Variants in SHANK2 observed in about 807,000 individuals in gnomAD.
SHANK2 encodes SH3 and multiple ankyrin repeat domains 2, also known as SH3 and multiple ankyrin repeat domains protein 2.
Under a neutral mutation model 133.7 loss-of-function variants are expected in SHANK2, and 43 were observed. The ratio of observed to expected loss-of-function variants is 0.32; its 90% confidence interval spans 0.25 to 0.41. SHANK2 has a LOEUF of 0.41. Among genes scored for constraint, SHANK2 ranks in the 10% least tolerant of loss-of-function variants. SHANK2 has a pLI of 1.00. For missense variants in SHANK2, 1,994 were observed against 2,235.8 expected, an observed-to-expected ratio of 0.89 and a Z score of 2.18; for synonymous variants, 1,017 against 952.8, an observed-to-expected ratio of 1.07 and a Z score of -1.24.
At chr11:70,741,478 C>G (rs1207490082) in intron 14 of SHANK2, among the ~76,000 whole-genome samples, 3 of 152,198 alleles carry the variant, frequency 2.0e-5, no homozygotes, top group Non-Finnish European at 4.4e-5. Context: ...TGCATAGTCA[C>G]TCATCCATCT....
intron 25 of SHANK2, chr11:70,477,428 T>G (rs1400702453): frequency 6.6e-6 from 1 of 152,212 alleles, no homozygotes; most frequent in African/African-American, 2.4e-5. Flanking sequence ...CAAGCTTGTC[T>G]TCTCCTTCTT....
chr11:71,101,020 C>T (rs1951708709), intron 6 of SHANK2, among the ~76,000 whole-genome samples: 1 of 152,064 alleles, frequency 6.6e-6, no homozygotes, highest in African/African-American at 2.4e-5. Context: ...ATGGTGGGTA[C>T]AGGACAAGAT....
At chr11:70,826,596 G>A (rs1424836002) in intron 11 of SHANK2, 1 of 465,672 alleles carries the variant, frequency 2.1e-6, no homozygotes, top group African/African-American at 2.0e-5. Context: ...CGGTGCTAGA[G>A]CAGCTGGGAC....
intron 17 of SHANK2, among the ~76,000 whole-genome samples, chr11:70,592,340 G>A (rs1554988255): frequency 2.0e-5 from 3 of 152,182 alleles, no homozygotes; most frequent in South Asian, 2.1e-4. Flanking sequence ...GGGTCAGTCC[G>A]AGAGGAGATG....
At chr11:70,713,512 G>A (rs533189694) in intron 14 of SHANK2, among the ~76,000 whole-genome samples, 6 of 152,372 alleles carry the variant, frequency 3.9e-5, no homozygotes, top group East Asian at 1.9e-4. Context: ...GTACGGAGCC[G>A]AGGGGGAGGC....
chr11:70,636,784 ATG>A (rs1187687034), intron 17 of SHANK2, among the ~76,000 whole-genome samples: 4 of 150,828 alleles, frequency 2.7e-5, no homozygotes, highest in South Asian at 2.1e-4. Flanking sequence ...CTGTGTGAGC[ATG>A]TGTGAGCGTG....
At chr11:70,634,273 T>G in intron 17 of SHANK2, 1 of 148,094 alleles carries the variant, frequency 6.8e-6, no homozygotes, top group South Asian at 2.2e-4. Flanking sequence ...GAAGAGGGAG[T>G]GACGCGATGC....
At chr11:71,242,522 A>G (rs1230753866) in intron 1 of SHANK2, among the ~76,000 whole-genome samples, 2 of 152,170 alleles carry the variant, frequency 1.3e-5, no homozygotes, top group African/African-American at 4.8e-5. Context: ...CCGCTACCTC[A>G]ATGCAGCTCA....
intron 14 of SHANK2, among the ~76,000 whole-genome samples, chr11:70,759,135 A>G (rs1555039629): frequency 6.6e-6 from 1 of 151,440 alleles, no homozygotes; most frequent in African/African-American, 2.4e-5. Flanking sequence ...ACTGCACTCC[A>G]GCCTGGGCAA....
chr11:70,869,237 T>C (rs1555069696), intron 11 of SHANK2, among the ~76,000 whole-genome samples: 1 of 152,140 alleles, frequency 6.6e-6, no homozygotes, highest in East Asian at 1.9e-4. Flanking sequence ...ATAAATGACT[T>C]GTGTAAGCCT....
chr11:70,935,922 A>C (rs1436512808), intron 10 of SHANK2, among the ~76,000 whole-genome samples: 1 of 152,152 alleles, frequency 6.6e-6, no homozygotes, highest in African/African-American at 2.4e-5. Flanking sequence ...CGTGCCCATC[A>C]TGAACAGCCT....
intron 14 of SHANK2, among the ~76,000 whole-genome samples, chr11:70,786,097 C>G (rs957254147): frequency 1.3e-5 from 2 of 152,166 alleles, no homozygotes; most frequent in Non-Finnish European, 2.9e-5. Flanking sequence ...CCAACAAACA[C>G]CAGGAGTAAC....
chr11:70,718,906 G>A (rs1333611527), intron 14 of SHANK2, among the ~76,000 whole-genome samples: 1 of 152,196 alleles, frequency 6.6e-6, no homozygotes, highest in East Asian at 1.9e-4. Context: ...CCGGTCACTG[G>A]CGCTATGAGC....
chr11:70,746,667 G>A (rs938952521), intron 14 of SHANK2, among the ~76,000 whole-genome samples: 1 of 152,160 alleles, frequency 6.6e-6, no homozygotes, highest in East Asian at 1.9e-4. Flanking sequence ...GGGGCCGATG[G>A]GAGCCTCTGG....
chr11:71,168,425 C>T (rs1468715843), intron 2 of SHANK2, among the ~76,000 whole-genome samples: 13 of 151,754 alleles, frequency 8.6e-5, no homozygotes, highest in Non-Finnish European at 1.6e-4. Context: ...GACGGGGTGG[C>T]GGCCGGGCAG....
chr11:71,237,380 T>C (rs1448671932), intron 1 of SHANK2, among the ~76,000 whole-genome samples: 1 of 152,222 alleles, frequency 6.6e-6, no homozygotes, highest in Admixed American at 6.5e-5. Flanking sequence ...CATTCCCTCA[T>C]GTATTGCCTT....
chr11:70,740,583 T>A (rs545747979), intron 14 of SHANK2, among the ~76,000 whole-genome samples: 11 of 152,228 alleles, frequency 7.2e-5, no homozygotes, highest in African/African-American at 2.4e-4. Flanking sequence ...AGTCTTCCTG[T>A]TCCTCCCCCT....
At chr11:70,850,029 A>G (rs1555064996) in intron 11 of SHANK2, among the ~76,000 whole-genome samples, 1 of 152,010 alleles carries the variant, frequency 6.6e-6, no homozygotes, top group African/African-American at 2.4e-5. Flanking sequence ...CCTGGCCCTC[A>G]TCATCCTACC....
intron 14 of SHANK2, among the ~76,000 whole-genome samples, chr11:70,777,665 C>T (rs1266996505): frequency 6.6e-6 from 1 of 152,178 alleles, no homozygotes; most frequent in Admixed American, 6.5e-5. Flanking sequence ...GGTAGTAAAC[C>T]TTGATCAATT....
Sources: allele counts gnomAD v4.1 joint callset (sites outside exome capture counted in the v4.1 genomes callset), GRCh38; gene constraint gnomAD v4.1.1; transcripts MANE v1.5; gene names NCBI Gene and HGNC (gene_info 2026-07-23, HGNC 2026-07-21).